MAPK8: variants seen among roughly 807,000 people sequenced by gnomAD.
MAPK8 encodes the protein mitogen-activated protein kinase 8.
In MAPK8, 13 loss-of-function variants were observed where a neutral mutation model predicts 52.9. The observed-to-expected ratio is 0.25, with a 90% CI of 0.16 to 0.39. The LOEUF (loss-of-function observed/expected upper bound fraction) is 0.39, where lower values mean the gene tolerates loss of function less well. Among genes scored for constraint, MAPK8 ranks in the 10% least tolerant of loss-of-function variants. The pLI is 1.00. For missense variants in MAPK8, 300 were observed against 519.2 expected (o/e 0.58, Z 4.10); for synonymous variants, 191 against 169.8 (o/e 1.12, Z -0.97).
At chr10:48,313,670 A>G (rs547221739) in intron 1 of MAPK8, among the ~76,000 whole-genome samples, 1 of 152,358 alleles carries the variant, frequency 6.6e-6, no homozygotes, top group Non-Finnish European at 1.5e-5. Flanking sequence ...ACAGTACTGT[A>G]TAGCCTCTGC....
chr10:48,399,600 A>G (rs1045370911), intron 1 of MAPK8, among the ~76,000 whole-genome samples: 1 of 152,208 alleles, frequency 6.6e-6, no homozygotes, highest in African/African-American at 2.4e-5. Context: ...TTTAGCAGAA[A>G]AGGAAACCTG....
intron 1 of MAPK8, among the ~76,000 whole-genome samples, chr10:48,331,879 A>T (rs981908034): frequency 6.6e-6 from 1 of 152,258 alleles, no homozygotes; most frequent in African/African-American, 2.4e-5. Flanking sequence ...AAGGAGTACT[A>T]TTGGGAGACA....
chr10:48,322,555 T>C (rs1159382451), intron 1 of MAPK8, among the ~76,000 whole-genome samples: 1 of 152,184 alleles, frequency 6.6e-6, no homozygotes, highest in Non-Finnish European at 1.5e-5. Flanking sequence ...AAGGCTGGTC[T>C]ATTTTATGTT....
intron 1 of MAPK8, among the ~76,000 whole-genome samples, chr10:48,366,550 A>T (rs1162350452): frequency 2.6e-5 from 4 of 152,236 alleles, no homozygotes; most frequent in Non-Finnish European, 5.9e-5. Context: ...TTGTTTACAC[A>T]TCAAGCTAGA....
At chr10:48,418,839 C>T (rs2043199540) in intron 5 of MAPK8, among the ~76,000 whole-genome samples, 1 of 151,992 alleles carries the variant, frequency 6.6e-6, no homozygotes, top group South Asian at 2.1e-4. Flanking sequence ...TTACTTTGCT[C>T]TTAATTTTTT....
chr10:48,331,218 C>G (rs757330884), intron 1 of MAPK8, among the ~76,000 whole-genome samples: 1 of 152,148 alleles, frequency 6.6e-6, no homozygotes, highest in Non-Finnish European at 1.5e-5. Flanking sequence ...CCTGCGAGAG[C>G]TATCCCTGAT....
rs1391074378 is a variant in MAPK8 at position 48,439,204 on chromosome 10, C to CT, written c.*4180dup. The stretch of plus-strand genomic sequence containing the variant: ...CCTCTAGACAAAACAAAATGGGGCA[C>CT]TTTTTAGGGAATGCTGAGATCATTA... On this transcript the variant is annotated 3_prime_UTR_variant, in exon 12 of 12. Transcript: ENST00000374189. 1 of 150,950 alleles carries CT rather than the reference C, an allele frequency of 6.6e-6. No homozygotes were observed. Among genetic ancestry groups the CT allele is most frequent in the Non-Finnish European group, 1.5e-5 (1 of 67,866 alleles). 9.4% of individuals were successfully genotyped at this position (150,950 alleles called of 1,614,324 possible).
At chr10:48,414,921 C>T (rs2042979813) in intron 5 of MAPK8, among the ~76,000 whole-genome samples, 1 of 152,034 alleles carries the variant, frequency 6.6e-6, no homozygotes, top group African/African-American at 2.4e-5. Context: ...GGAATTACAT[C>T]TTCCTTCTGA....
intron 1 of MAPK8, among the ~76,000 whole-genome samples, chr10:48,364,821 C>T (rs11101304): frequency 8.3e-4 from 126 of 152,272 alleles, no homozygotes; most frequent in Non-Finnish European, 1.6e-3. Context: ...GATTGATTGC[C>T]TCTCACAGTT....
intron 1 of MAPK8, among the ~76,000 whole-genome samples, chr10:48,355,366 G>A (rs950499575): frequency 6.6e-6 from 1 of 151,976 alleles, no homozygotes; most frequent in Admixed American, 6.6e-5. Context: ...AAAATTAGCC[G>A]GGTGTAGTGG....
chr10:48,372,828 A>G (rs2040406914), intron 1 of MAPK8, among the ~76,000 whole-genome samples: 1 of 152,286 alleles, frequency 6.6e-6, no homozygotes, highest in East Asian at 1.9e-4. Context: ...ATCCAGGAGA[A>G]GTTCCCCAAC....
At position 48,437,379 on chromosome 10, in the gene MAPK8, ATAACATT is replaced by A; in HGVS notation, c.*2352_*2358del. 6.6e-6 allele frequency: 1 copy of A among 152,328 alleles called. No individual in the cohort carries two copies. The highest frequency in any genetic ancestry group is 3.4e-3 in the Middle Eastern group (1 of 294). The allele number at this position is 152,328 out of a possible 1,614,324, so 9.4% of individuals were successfully genotyped here. A position where few individuals can be genotyped will look rare whatever the true frequency, so the allele number is the denominator to read the frequency against. Reference sequence around the variant, plus strand: ...TTTTTTTTTTGAAGAGAAGTTACAAATAACATTTCTATCAGGTAGTACTTGTATGAAA... The same window carrying A: ...TTTTTTTTTTGAAGAGAAGTTACAAATCTATCAGGTAGTACTTGTATGAAA... On this transcript the variant is annotated 3_prime_UTR_variant, in exon 12 of 12. Coordinates refer to ENST00000374189, the MANE Select transcript of MAPK8 (RefSeq NM_001323329.2).
At chr10:48,347,119 G>A (rs1589019976) in intron 1 of MAPK8, among the ~76,000 whole-genome samples, 1 of 152,164 alleles carries the variant, frequency 6.6e-6, no homozygotes, top group East Asian at 1.9e-4. Flanking sequence ...CACAGGGAGG[G>A]ACCCACCGAC....
chr10:48,307,180 G>A (rs1192241351), intron 1 of MAPK8: 1 of 152,358 alleles, frequency 6.6e-6, no homozygotes, highest in Non-Finnish European at 1.5e-5. Flanking sequence ...CTTCGGCAAG[G>A]GTCGGACGGA....
intron 1 of MAPK8, among the ~76,000 whole-genome samples, chr10:48,323,750 G>T (rs1189335751): frequency 2.0e-5 from 3 of 152,280 alleles, no homozygotes; most frequent in Non-Finnish European, 4.4e-5. Context: ...TTGAGAAAAT[G>T]ATAGATACTG....
rs546997988 is a variant in MAPK8 at position 48,369,820 on chromosome 10, A to T, written c.-49-31792A>T. 4.6e-5 allele frequency among the ~76,000 whole-genome samples: 7 copies of T among 152,288 alleles called. No individual in the cohort carries two copies. In the East Asian group the frequency reaches 9.6e-4, roughly 21 times the overall value. On this transcript the variant is annotated intron_variant, in intron 1 of 11. Coordinates refer to ENST00000374189, the MANE Select transcript of MAPK8 (RefSeq NM_001323329.2). ...AATGTGGTGAAAGTGTCAGGTGCTG[A>T]TGAGCAGCATAGGAAAAAGTCAAGT...
At chr10:48,366,939 A>G (rs932861128) in intron 1 of MAPK8, among the ~76,000 whole-genome samples, 1 of 152,134 alleles carries the variant, frequency 6.6e-6, no homozygotes, top group Non-Finnish European at 1.5e-5. Flanking sequence ...TGTTATTTCA[A>G]TATTGTTTTC....
intron 1 of MAPK8, among the ~76,000 whole-genome samples, chr10:48,321,089 G>GTTTTTT (rs34616108): frequency 2.1e-5 from 2 of 93,998 alleles, no homozygotes; most frequent in African/African-American, 4.4e-5. Context: ...CGTTGTAAGA[G>GTTTTTT]TTTTTTTTTT....
At chr10:48,402,402 A>T (rs2042206300) in intron 2 of MAPK8, among the ~76,000 whole-genome samples, 2 of 152,222 alleles carry the variant, frequency 1.3e-5, no homozygotes, top group South Asian at 2.1e-4. Flanking sequence ...CAGAAATCTT[A>T]TTCTATACTG....
Sources: allele counts gnomAD v4.1 joint callset (sites outside exome capture counted in the v4.1 genomes callset), GRCh38; gene constraint gnomAD v4.1.1; transcripts MANE v1.5; gene names NCBI Gene and HGNC (gene_info 2026-07-23, HGNC 2026-07-21).